The following ARHGAP6 variants were observed in gnomAD, a reference collection of about 807,000 sequenced individuals.
ARHGAP6 encodes the protein rho GTPase-activating protein 6.
In ARHGAP6, 16 loss-of-function variants were observed where a neutral mutation model predicts 55.7. The ratio of observed to expected loss-of-function variants is 0.29; its 90% confidence interval spans 0.19 to 0.44. The LOEUF (loss-of-function observed/expected upper bound fraction) is 0.44. Ranked by LOEUF, ARHGAP6 falls within the 20% of genes least tolerant of loss-of-function variation. The pLI is 1.00. For synonymous variants in ARHGAP6, 382 were observed against 360.9 expected (o/e 1.06, Z -0.66); for missense variants, 698 against 808.9 (o/e 0.86, Z 1.66).
intron 1 of ARHGAP6, among the ~76,000 whole-genome samples, chrX:11,352,947 CT>C (rs887047779): frequency 8.1e-5 from 9 of 111,260 alleles, no homozygotes; most frequent in African/African-American, 2.9e-4. Flanking sequence ...TATAATCTTT[CT>C]TTTTTATACA....
chrX:11,279,086 C>T (rs1603008670), intron 1 of ARHGAP6, among the ~76,000 whole-genome samples: 1 of 111,446 alleles, frequency 9.0e-6, no homozygotes, highest in Non-Finnish European at 1.9e-5. Context: ...ATGGCAATAA[C>T]AAAGGGATGC....
chrX:11,175,692 C>A (rs2046202051), intron 8 of ARHGAP6, among the ~76,000 whole-genome samples: 1 of 111,120 alleles, frequency 9.0e-6, no homozygotes. Context: ...TTTTGGTTGT[C>A]ACAACTTGGT....
At chrX:11,394,961 A>C (rs771261367) in intron 1 of ARHGAP6, among the ~76,000 whole-genome samples, 8 of 112,194 alleles carry the variant, frequency 7.1e-5, no homozygotes, top group Admixed American at 2.8e-4. Flanking sequence ...ACAGCAGAAC[A>C]TTAGTCATGT....
chrX:11,423,014 G>A (rs1023126766), intron 1 of ARHGAP6, among the ~76,000 whole-genome samples: 2 of 112,112 alleles, frequency 1.8e-5, no homozygotes, highest in African/African-American at 6.5e-5. Flanking sequence ...AATTAGTAGA[G>A]GTGTCAATTA....
chrX:11,443,915 G>A (rs776001141), intron 1 of ARHGAP6, among the ~76,000 whole-genome samples: 70 of 109,768 alleles, frequency 6.4e-4, no homozygotes, highest in Admixed American at 1.6e-3. Context: ...GTGACAGAGC[G>A]AGACTCCGTC....
chrX:11,454,110 A>ATTTTTTTTTTT (rs1187605203), intron 1 of ARHGAP6, among the ~76,000 whole-genome samples: 44 of 76,820 alleles, frequency 5.7e-4, no homozygotes, highest in Non-Finnish European at 8.0e-4. Flanking sequence ...CGCACGGCTA[A>ATTTTTTTTTTT]TTTTTTTTTT....
At chrX:11,179,180 CTT>C (rs1452071345) in intron 7 of ARHGAP6, 120 bp downstream of exon 7, 1 of 715,445 alleles carries the variant, frequency 1.4e-6, no homozygotes, top group Admixed American at 3.5e-5. Context: ...ATAGCTCACT[CTT>C]TAGAGATTGA....
chrX:11,191,732 C>G (rs1210146038), intron 3 of ARHGAP6, among the ~76,000 whole-genome samples: 1 of 111,727 alleles, frequency 9.0e-6, no homozygotes, highest in Admixed American at 9.5e-5. Context: ...GCAGCTCCCT[C>G]TAAATCATTG....
chrX:11,372,750 T>C (rs2049157416), intron 1 of ARHGAP6, among the ~76,000 whole-genome samples: 1 of 80,351 alleles, frequency 1.2e-5, no homozygotes. Flanking sequence ...GCAGCCTGGG[T>C]GACAGAGCGA....
At chrX:11,304,252 G>A (rs1008289675) in intron 1 of ARHGAP6, among the ~76,000 whole-genome samples, 5 of 110,276 alleles carry the variant, frequency 4.5e-5, no homozygotes, top group African/African-American at 1.7e-4. Context: ...ACCACACCCA[G>A]CTAATTTTTG....
At chrX:11,445,609 A>T (rs1306294767) in intron 1 of ARHGAP6, among the ~76,000 whole-genome samples, 2 of 112,088 alleles carry the variant, frequency 1.8e-5, no homozygotes, top group Non-Finnish European at 3.8e-5. Flanking sequence ...CAGTTCAATG[A>T]TATCAAATCT....
chrX:11,181,832 G>A lies in ARHGAP6; in HGVS notation c.1329+231C>T, dbSNP rs141220381. On this transcript the variant is annotated intron_variant, in intron 6 of 12. Coordinates refer to ENST00000337414, the MANE Select transcript of ARHGAP6 (RefSeq NM_013427.3). The stretch of plus-strand genomic sequence containing the variant: ...ATAAATTAGTTTTGTTTGGCTGCAC[G>A]TGGCACAGATACATCCAGACATTTT... Among the ~76,000 whole-genome samples the A allele has an allele frequency of 0.01, 1,136 of 110,647 alleles. 7 individuals carry two copies. In the Middle Eastern group the frequency reaches 0.12, roughly 12 times the overall value.
At chrX:11,226,120 G>A (rs1260421657) in intron 2 of ARHGAP6, among the ~76,000 whole-genome samples, 1 of 108,696 alleles carries the variant, frequency 9.2e-6, no homozygotes, top group Non-Finnish European at 1.9e-5. Context: ...ATTTACATTA[G>A]GTATATCTCC....
At chrX:11,272,938 A>G (rs1236135328) in intron 1 of ARHGAP6, among the ~76,000 whole-genome samples, 1 of 112,202 alleles carries the variant, frequency 8.9e-6, no homozygotes, top group Non-Finnish European at 1.9e-5. Flanking sequence ...CAAGTTCAGC[A>G]TATAACTAGC....
intron 1 of ARHGAP6, among the ~76,000 whole-genome samples, chrX:11,360,274 C>T (rs1344318169): frequency 8.1e-5 from 9 of 111,536 alleles, no homozygotes; most frequent in East Asian, 5.6e-4. Flanking sequence ...ACTGGCAAAC[C>T]GAATCTAGCA....
intron 1 of ARHGAP6, chrX:11,367,911 T>C: frequency 2.7e-6 from 1 of 365,520 alleles, no homozygotes; most frequent in Non-Finnish European, 3.5e-6. Flanking sequence ...CCTGGTTTCC[T>C]GCACTGACCT....
At chrX:11,270,412 C>G (rs1300053548) in intron 1 of ARHGAP6, among the ~76,000 whole-genome samples, 1 of 111,517 alleles carries the variant, frequency 9.0e-6, no homozygotes, top group Non-Finnish European at 1.9e-5. Flanking sequence ...TATGCAGAAA[C>G]AGAGGCAGGG....
rs1432123005 is a variant in ARHGAP6 at position 11,615,005 on chromosome X, T to C, written c.588+49236A>G. On this transcript the variant is annotated intron_variant, in intron 1 of 12. Coordinates refer to ENST00000337414, the MANE Select transcript of ARHGAP6 (RefSeq NM_013427.3). ...ATGCTGTGGTGCTGCCACAGACCCT[T>C]ACTGCTGGTGGACCCATTCCCAGTT... Among the ~76,000 whole-genome samples the C allele has an allele frequency of 9.9e-5, 11 of 110,674 alleles. No homozygotes were observed. In the Admixed American group the frequency reaches 1.1e-3, roughly 11 times the overall value.
At chrX:11,217,881 AT>A in intron 2 of ARHGAP6, among the ~76,000 whole-genome samples, 1 of 111,870 alleles carries the variant, frequency 8.9e-6, no homozygotes, top group South Asian at 3.7e-4. Context: ...TCTTGAGTTA[AT>A]TTTTGTACAA....
Sources: allele counts gnomAD v4.1 joint callset (sites outside exome capture counted in the v4.1 genomes callset), GRCh38; gene constraint gnomAD v4.1.1; transcripts MANE v1.5; gene names NCBI Gene and HGNC (gene_info 2026-07-23, HGNC 2026-07-21).